The following ZNF804B variants were observed in gnomAD, a reference collection of about 807,000 sequenced individuals.
ZNF804B encodes the protein zinc finger 804B.
ZNF804B carries 80 observed loss-of-function variants against 101.4 expected under a neutral mutation model. That is an observed-to-expected ratio of 0.79 (90% CI 0.66 to 0.95). ZNF804B has a LOEUF of 0.95. Ranked by LOEUF, ZNF804B falls within the 40% of genes least tolerant of loss-of-function variation. The pLI is 0.00. For synonymous variants in ZNF804B, 622 were observed against 558.8 expected, an observed-to-expected ratio of 1.11 and a Z score of -1.59; for missense variants, 1,673 against 1,561.9, an observed-to-expected ratio of 1.07 and a Z score of -1.20.
intron 2 of ZNF804B, among the ~76,000 whole-genome samples, chr7:89,247,990 A>C (rs1307593618): frequency 1.3e-5 from 2 of 152,210 alleles, no homozygotes; most frequent in African/African-American, 4.8e-5. Flanking sequence ...GAACCAAGCC[A>C]AAGTAAGAAT....
At chr7:89,045,050 C>A (rs762951445) in intron 1 of ZNF804B, among the ~76,000 whole-genome samples, 5 of 152,200 alleles carry the variant, frequency 3.3e-5, no homozygotes, top group Non-Finnish European at 7.3e-5. Flanking sequence ...CTGCTCTCTG[C>A]AGTTGGGACA....
intron 1 of ZNF804B, among the ~76,000 whole-genome samples, chr7:88,774,715 G>C (rs532529144): frequency 2.0e-5 from 3 of 152,302 alleles, no homozygotes; most frequent in Admixed American, 2.0e-4. Context: ...AACCACTGAA[G>C]AGAATAATGA....
chr7:88,893,746 G>A (rs1388499925), intron 1 of ZNF804B, among the ~76,000 whole-genome samples: 1 of 152,108 alleles, frequency 6.6e-6, no homozygotes, highest in Non-Finnish European at 1.5e-5. Context: ...CATTTTGAAA[G>A]ATATAATAGA....
intron 1 of ZNF804B, among the ~76,000 whole-genome samples, chr7:89,023,841 C>A (rs765501): frequency 6.6e-6 from 1 of 151,934 alleles, no homozygotes; most frequent in Non-Finnish European, 1.5e-5. Context: ...TTGACTGAAG[C>A]ACAACATCAC....
intron 1 of ZNF804B, among the ~76,000 whole-genome samples, chr7:88,938,874 A>C (rs1396917841): frequency 6.6e-6 from 1 of 152,046 alleles, no homozygotes; most frequent in Non-Finnish European, 1.5e-5. Flanking sequence ...AAACCACCGG[A>C]ATTATTTCAG....
intron 1 of ZNF804B, among the ~76,000 whole-genome samples, chr7:89,189,441 T>C (rs10085897): frequency 0.68 from 103,863 of 151,944 alleles, 36,092 homozygotes; most frequent in South Asian, 0.75. Context: ...GAAGCCTCGA[T>C]CCAAGTAACC....
At chr7:88,799,322 TGATA>T (rs147190971) in intron 1 of ZNF804B, among the ~76,000 whole-genome samples, 5,985 of 152,140 alleles carry the variant, frequency 0.039, 305 homozygotes, top group East Asian at 0.27. Flanking sequence ...TAACCCTATA[TGATA>T]GATAGAATCT....
intron 2 of ZNF804B, among the ~76,000 whole-genome samples, chr7:89,268,191 A>C (rs543977237): frequency 6.6e-6 from 1 of 152,146 alleles, no homozygotes; most frequent in Non-Finnish European, 1.5e-5. Context: ...CTTTGACATT[A>C]TTCAATGCTG....
In ZNF804B at chr7:89,335,313, T is replaced by C; in HGVS notation, c.2331T>C (p.Ser777=). The C allele has an allele frequency of 3.1e-6, 5 of 1,613,726 alleles. No homozygotes were observed. The highest frequency in any genetic ancestry group is 4.2e-6 in the Non-Finnish European group (5 of 1,179,932). Residue 777 remains serine (S), a synonymous_variant, in exon 4 of 4, where the codon TCT becomes TCC. Coordinates refer to ENST00000333190, the MANE Select transcript of ZNF804B (RefSeq NM_181646.5). ...TAACAAAGAGCAGCCAAATGCAGTC[T>C]GAACCACAGAAAGAGAGGAACTGCA... The part of the protein sequence containing the change: ...DDITKSSQMQ[S]EPQKERNCKL...
In ZNF804B at chr7:89,156,490, A is replaced by G. The variant is rs188084264; in HGVS notation, c.109-61665A>G. ...TCCATTGTAACGTTTGTGTACATCA[A>G]TACTGCAGTCCTAATAATTCACTTT... On this transcript the variant is annotated intron_variant, in intron 1 of 3. Transcript: ENST00000333190. Among the ~76,000 whole-genome samples the G allele has an allele frequency of 1.2e-3, 186 of 152,282 alleles. 4 individuals are homozygous for G. Among genetic ancestry groups the G allele is most frequent in the Admixed American group, 0.012 (184 of 15,284 alleles).
intron 1 of ZNF804B, among the ~76,000 whole-genome samples, chr7:88,832,338 C>A (rs1356854027): frequency 6.6e-6 from 1 of 151,934 alleles, no homozygotes; most frequent in Admixed American, 6.6e-5. Flanking sequence ...CCTTAAAACA[C>A]ATACTGAATG....
intron 1 of ZNF804B, among the ~76,000 whole-genome samples, chr7:89,189,334 G>A (rs1041141062): frequency 6.6e-6 from 1 of 152,124 alleles, no homozygotes; most frequent in African/African-American, 2.4e-5. Context: ...GAGCTCTGAT[G>A]AAGATGTATA....
chr7:88,909,624 C>T (rs879533524), intron 1 of ZNF804B, among the ~76,000 whole-genome samples: 1 of 151,824 alleles, frequency 6.6e-6, no homozygotes, highest in Non-Finnish European at 1.5e-5. Flanking sequence ...TTCTCTAATT[C>T]AGGAGATTTT....
At chr7:88,928,976 A>C (rs1326771847) in intron 1 of ZNF804B, among the ~76,000 whole-genome samples, 1 of 152,072 alleles carries the variant, frequency 6.6e-6, no homozygotes, top group African/African-American at 2.4e-5. Flanking sequence ...GTGGCTCAAT[A>C]AATAAAGAAT....
chr7:88,924,841 C>G (rs1792772783), intron 1 of ZNF804B, among the ~76,000 whole-genome samples: 1 of 151,850 alleles, frequency 6.6e-6, no homozygotes, highest in Non-Finnish European at 1.5e-5. Context: ...CTTTGTGCCC[C>G]CGCACACCCA....
chr7:89,206,834 G>C (rs1788721274), intron 1 of ZNF804B, among the ~76,000 whole-genome samples: 1 of 152,188 alleles, frequency 6.6e-6, no homozygotes, highest in Non-Finnish European at 1.5e-5. Flanking sequence ...ATGGGTTGCT[G>C]CTTAGAAATT....
At chr7:89,233,859 G>A (rs1789236750) in intron 2 of ZNF804B, among the ~76,000 whole-genome samples, 1 of 152,040 alleles carries the variant, frequency 6.6e-6, no homozygotes, top group African/African-American at 2.4e-5. Flanking sequence ...GCTGACTTCA[G>A]GTGATCCGCC....
intron 1 of ZNF804B, among the ~76,000 whole-genome samples, chr7:88,764,725 A>T (rs1268369672): frequency 6.6e-6 from 1 of 152,118 alleles, no homozygotes; most frequent in Non-Finnish European, 1.5e-5. Flanking sequence ...TATTTTCATT[A>T]TGCCTAATAA....
intron 1 of ZNF804B, among the ~76,000 whole-genome samples, chr7:88,904,667 C>G (rs976440262): frequency 1.3e-5 from 2 of 151,968 alleles, no homozygotes; most frequent in Non-Finnish European, 2.9e-5. Context: ...ATTTTCATCT[C>G]TTTGGTTAGC....
Sources: gnomAD v4.1 joint callset for allele counts (sites outside exome capture counted in the v4.1 genomes callset) on GRCh38, gnomAD v4.1.1 for gene constraint, MANE v1.5 for transcripts, NCBI Gene and HGNC (gene_info 2026-07-23, HGNC 2026-07-21) for gene names.